Variants in BGN observed in about 807,000 individuals in gnomAD.
The protein encoded by BGN is biglycan, also known as bone/cartilage proteoglycan-I.
BGN carries 6 observed loss-of-function variants against 20.0 expected under a neutral mutation model. That is an observed-to-expected ratio of 0.30 (90% confidence interval 0.16 to 0.59). The LOEUF (loss-of-function observed/expected upper bound fraction) is 0.59, where lower values mean the gene tolerates loss of function less well. Ranked by LOEUF, BGN falls within the 20% of genes least tolerant of loss-of-function variation. The pLI is 0.88. For synonymous variants in BGN, 146 were observed against 134.6 expected (o/e 1.08, Z -0.59); for missense variants, 292 against 312.1 (o/e 0.94, Z 0.49).
intron 2 of BGN, 92 bp from the exon 3 acceptor site, chrX:153,505,146 G>A: frequency 1.3e-6 from 1 of 753,038 alleles, no homozygotes; most frequent in South Asian, 2.5e-5. Context: ...TGGTGATGGT[G>A]GTGGGGCCCC....
At chrX:153,506,387 G>T (rs1348558817) in intron 4 of BGN, 142 bp from the exon 5 acceptor site, 4 of 558,731 alleles carry the variant, frequency 7.2e-6, no homozygotes, top group African/African-American at 7.0e-5. Context: ...TTTGCAATTA[G>T]CCCGGTAAAT....
intron 1 of BGN, among the ~76,000 whole-genome samples, chrX:153,500,915 GTA>G (rs1432013333): frequency 9.0e-6 from 1 of 111,624 alleles, no homozygotes; most frequent in African/African-American, 3.3e-5. Flanking sequence ...ATATATGTGT[GTA>G]TATGTGTATC....
chrX:153,506,477 A>G, intron 4 of BGN, 52 bp from the exon 5 acceptor site: 2 of 1,091,553 alleles, frequency 1.8e-6, no homozygotes, highest in Non-Finnish European at 2.5e-6. Flanking sequence ...GACAGGACCC[A>G]GGGCTGTGCA....
intron 1 of BGN, among the ~76,000 whole-genome samples, chrX:153,499,719 CCT>C (rs1346550948): frequency 8.8e-6 from 1 of 113,199 alleles, no homozygotes; most frequent in African/African-American, 3.2e-5. Context: ...GTACACATCC[CCT>C]CTCTGGTTGA....
chrX:153,501,123 ATG>A (rs1322659568), intron 1 of BGN, among the ~76,000 whole-genome samples: 19 of 108,077 alleles, frequency 1.8e-4, no homozygotes, highest in Admixed American at 8.8e-4. Flanking sequence ...GTGTGTACAT[ATG>A]TGTTTTGTAT....
Position 153,505,970 on chromosome X carries a change from C to T in BGN, c.459C>T (p.Ile153=). 1 of 1,211,604 alleles carries T rather than the reference C, an allele frequency of 8.3e-7. No homozygotes were observed. The highest frequency in any genetic ancestry group is 1.1e-6 in the Non-Finnish European group (1 of 895,284). Residue 153 remains isoleucine (I), a synonymous_variant, in exon 4 of 8, where the codon ATC becomes ATT. Coordinates refer to ENST00000331595, the MANE Select transcript of BGN (RefSeq NM_001711.6). ...TCTCCAAGAACCACCTGGTGGAGATCCCGCCCAACCTACCCAGCTCCCTGG... is the reference window on the plus strand; with the variant it reads ...TCTCCAAGAACCACCTGGTGGAGATTCCGCCCAACCTACCCAGCTCCCTGG... The part of the protein sequence containing the change: ...LYISKNHLVE[I]PPNLPSSLVE...
chrX:153,499,092 T>A (rs1482047811), intron 1 of BGN, among the ~76,000 whole-genome samples: 1 of 112,717 alleles, frequency 8.9e-6, no homozygotes, highest in Non-Finnish European at 1.9e-5. Flanking sequence ...TGGGGCCAAC[T>A]TCCTGAGCCT....
intron 1 of BGN, among the ~76,000 whole-genome samples, chrX:153,497,213 CT>C (rs1247930274): frequency 9.4e-6 from 1 of 105,932 alleles, no homozygotes; most frequent in African/African-American, 3.5e-5. Context: ...CGTTGCCCCC[CT>C]AGCATCCAGG....
intron 1 of BGN, among the ~76,000 whole-genome samples, chrX:153,497,211 C>A (rs1182140706): frequency 1.9e-5 from 2 of 105,971 alleles, no homozygotes; most frequent in Non-Finnish European, 3.9e-5. Context: ...CACGTTGCCC[C>A]CCTAGCATCC....
Position 153,504,971 on chromosome X carries a change from C to T in BGN, c.238+102C>T, listed in dbSNP as rs1368271161. 11 of 892,828 alleles carry T rather than the reference C, an allele frequency of 1.2e-5. No individual in the cohort carries two copies. In the Admixed American group the frequency reaches 1.3e-4, roughly 11 times the overall value. The allele number at this position is 892,828 out of a possible 1,213,427, so 73.6% of individuals were successfully genotyped here. On this transcript the variant is annotated intron_variant, in intron 2 of 7. Transcript: ENST00000331595. ...ACATGCTGGTCCTGTGGGACGGTGGCGAGCATGATGTAAGTGTAGGAGGGG... is the reference window on the plus strand; with the variant it reads ...ACATGCTGGTCCTGTGGGACGGTGGTGAGCATGATGTAAGTGTAGGAGGGG...
At chrX:153,503,781 G>A (rs1044908388) in intron 1 of BGN, among the ~76,000 whole-genome samples, 1 of 111,832 alleles carries the variant, frequency 8.9e-6, no homozygotes, top group Non-Finnish European at 1.9e-5. Flanking sequence ...CTCCCCTGGG[G>A]GGCCTCTCTG....
intron 1 of BGN, among the ~76,000 whole-genome samples, chrX:153,499,994 C>T (rs2089745561): frequency 8.8e-6 from 1 of 113,305 alleles, no homozygotes; most frequent in Admixed American, 9.2e-5. Flanking sequence ...GCTGAGGCTG[C>T]GGAGACAGCA....
chrX:153,496,846 CAGTT>C (rs1413701732), intron 1 of BGN, among the ~76,000 whole-genome samples: 1 of 110,874 alleles, frequency 9.0e-6, no homozygotes, highest in African/African-American at 3.3e-5. Context: ...TCACACTTGA[CAGTT>C]AGCACTCAGA....
Position 153,504,738 on chromosome X carries a change from T to C in BGN, c.107T>C (p.Met36Thr), listed in dbSNP as rs781884736. ...ACCCTGGACGATGGGCCATTCATGATGAACGATGAGGAAGCTTCGGGCGCT... is the reference window on the plus strand; with the variant it reads ...ACCCTGGACGATGGGCCATTCATGACGAACGATGAGGAAGCTTCGGGCGCT... ...DFTLDDGPFM[M>T]NDEEASGADT... is the part of the protein sequence containing the mutation. Residue 36 changes from methionine (M) to threonine (T), a missense_variant, in exon 2 of 8, where the codon ATG (methionine) becomes ACG (threonine). Coordinates refer to ENST00000331595, the MANE Select transcript of BGN (RefSeq NM_001711.6). 8.3e-7 allele frequency: 1 copy of C among 1,211,816 alleles called. No individual in the cohort carries two copies. The highest frequency in any genetic ancestry group is 1.8e-5 in the South Asian group (1 of 57,003).
At chrX:153,496,782 C>T (rs782665236) in intron 1 of BGN, among the ~76,000 whole-genome samples, 86 of 112,087 alleles carry the variant, frequency 7.7e-4, no homozygotes, top group African/African-American at 2.7e-3. Context: ...AAAGCTATAG[C>T]GTGTCCCTTC....
At position 153,508,365 on chromosome X, in the gene BGN, C is replaced by A; in HGVS notation, c.1027C>A (p.Pro343Thr). The part of the protein sequence containing the change: ...NGISLFNNPV[P>T]YWEVQPATFR... ...CATCAGCCTCTTCAACAACCCCGTG[C>A]CCTACTGGGAGGTGCAGCCGGCCAC... is the stretch of plus-strand genomic sequence containing the variant. The change falls in exon 8 of 8, where the codon CCC becomes ACC. Residue 343 changes from proline to threonine, a missense_variant. Coordinates refer to ENST00000331595, the MANE Select transcript of BGN (RefSeq NM_001711.6). 2 of 1,212,303 alleles carry A rather than the reference C, an allele frequency of 1.6e-6. No individual in the cohort carries two copies. Among genetic ancestry groups the A allele is most frequent in the Admixed American group, 2.2e-5 (1 of 46,138 alleles).
intron 7 of BGN, 68 bp downstream of exon 7, chrX:153,507,253 C>T: frequency 9.1e-7 from 1 of 1,102,847 alleles, no homozygotes; most frequent in Non-Finnish European, 1.2e-6. Flanking sequence ...TGTCCCCGGG[C>T]AGTCCCTCAG....
chrX:153,500,380 G>T (rs781850319), intron 1 of BGN, among the ~76,000 whole-genome samples: 50 of 111,693 alleles, frequency 4.5e-4, no homozygotes, highest in African/African-American at 1.6e-3. Context: ...CTTTGGTGGG[G>T]CTTGAAACCC....
rs367995322 is a variant in BGN at position 153,506,575 on chromosome X, C to T, written c.612C>T (p.Ala204=). 2.3e-5 allele frequency: 28 copies of T among 1,209,395 alleles called. No individual in the cohort carries two copies. Among genetic ancestry groups the T allele is most frequent in the Non-Finnish European group, 3.0e-5 (27 of 895,031 alleles). The stretch of plus-strand genomic sequence containing the variant: ...AGAACAGTGGCTTTGAACCTGGAGC[C>T]TTCGATGGCCTGAAGCTCAACTACC... ...PLENSGFEPG[A]FDGLKLNYLR... Residue 204 remains alanine (A), a synonymous_variant, in exon 5 of 8, where the codon GCC becomes GCT. Coordinates refer to ENST00000331595, the MANE Select transcript of BGN (RefSeq NM_001711.6).
Sources: gnomAD v4.1 joint callset for allele counts (sites outside exome capture counted in the v4.1 genomes callset) on GRCh38, gnomAD v4.1.1 for gene constraint, MANE v1.5 for transcripts, NCBI Gene and HGNC (gene_info 2026-07-23, HGNC 2026-07-21) for gene names.